GDAP2: variants seen among roughly 807,000 people sequenced by gnomAD.
The protein encoded by GDAP2 is ganglioside induced differentiation associated protein 2.
A neutral mutation model predicts 67.0 loss-of-function variants in GDAP2; 51 were observed. The observed-to-expected ratio is 0.76, with a 90% CI of 0.61 to 0.96. The LOEUF (loss-of-function observed/expected upper bound fraction) is 0.96, where lower values mean the gene tolerates loss of function less well. Among genes scored for constraint, GDAP2 ranks in the 40% least tolerant of loss-of-function variants. The probability of loss-of-function intolerance (pLI) is 0.00; values close to 1 mark genes in which losing one functional copy is unlikely to be tolerated. For missense variants in GDAP2, 547 were observed against 588.3 expected (o/e 0.93, Z 0.73); for synonymous variants, 203 against 207.3 (o/e 0.98, Z 0.18).
intron 9 of GDAP2, among the ~76,000 whole-genome samples, chr1:117,887,472 C>T (rs1436509758): frequency 6.6e-6 from 1 of 152,088 alleles, no homozygotes; most frequent in East Asian, 1.9e-4. Flanking sequence ...AAAAGGGACA[C>T]TAGCATGAAA....
In GDAP2 at chr1:117,870,600, T is replaced by C. The variant is rs1425942433; in HGVS notation, c.1463A>G (p.Tyr488Cys). ...EYDARENGPY[Y>C]TSYPPSPDL ...ATCTGGTGATGGGGGATATGATGTA[T>C]AGTAAGGCCCGTTTTCCTGTGGAAA... is the stretch of plus-strand genomic sequence containing the variant. The change falls in exon 14 of 14, where the codon TAT becomes TGT. Residue 488 changes from tyrosine (Y) to cysteine (C), a missense_variant. Physicochemically the swap from Tyr to Cys is radical, Grantham distance 194 (BLOSUM62 -2). Transcript: ENST00000369443. 4 of 1,603,324 alleles carry C rather than the reference T, an allele frequency of 2.5e-6. No individual in the cohort carries two copies. Among genetic ancestry groups the C allele is most frequent in the Non-Finnish European group, 1.7e-6 (2 of 1,170,398 alleles).
intron 8 of GDAP2, 180 bp downstream of exon 8, chr1:117,896,653 T>C (rs1649273620): frequency 2.3e-6 from 1 of 442,908 alleles, no homozygotes; most frequent in African/African-American, 2.0e-5. Flanking sequence ...TGGCCACTGA[T>C]AACTTTCTTA....
chr1:117,911,789 G>C (rs1649865286), intron 5 of GDAP2, among the ~76,000 whole-genome samples: 1 of 150,072 alleles, frequency 6.7e-6, no homozygotes, highest in East Asian at 2.0e-4. Flanking sequence ...TTGAGATGAG[G>C]TCTCACTATA....
At chr1:117,892,214 T>A (rs1252686215) in intron 8 of GDAP2, among the ~76,000 whole-genome samples, 1 of 152,092 alleles carries the variant, frequency 6.6e-6, no homozygotes, top group African/African-American at 2.4e-5. Context: ...GATTATTTAG[T>A]CATTATTTTA....
At chr1:117,902,088 C>T (rs1264759669) in intron 6 of GDAP2, among the ~76,000 whole-genome samples, 1 of 152,176 alleles carries the variant, frequency 6.6e-6, no homozygotes, top group Non-Finnish European at 1.5e-5. Flanking sequence ...CTGTTCCTCC[C>T]GTGGCCCTGC....
intron 8 of GDAP2, among the ~76,000 whole-genome samples, chr1:117,895,945 T>C (rs1192396999): frequency 6.6e-6 from 1 of 152,200 alleles, no homozygotes; most frequent in Non-Finnish European, 1.5e-5. Context: ...AGGTGGCATC[T>C]GTTCCAGACT....
intron 6 of GDAP2, among the ~76,000 whole-genome samples, chr1:117,902,477 G>T (rs1313256578): frequency 6.6e-6 from 1 of 152,118 alleles, no homozygotes; most frequent in Non-Finnish European, 1.5e-5. Context: ...GCTAATTTTT[G>T]TATCTGCTAT....
chr1:117,876,015 T>C (rs1372428359), intron 13 of GDAP2, among the ~76,000 whole-genome samples: 1 of 152,036 alleles, frequency 6.6e-6, no homozygotes, highest in East Asian at 1.9e-4. Flanking sequence ...GATGGAATGA[T>C]TGTATTTTGC....
chr1:117,898,002 A>C (rs1387109005), intron 7 of GDAP2, among the ~76,000 whole-genome samples: 1 of 152,244 alleles, frequency 6.6e-6, no homozygotes, highest in African/African-American at 2.4e-5. Context: ...AAAATATTTA[A>C]GAATGCTAAG....
intron 7 of GDAP2, 134 bp from the exon 8 acceptor site, chr1:117,897,123 G>A (rs1341689082): frequency 3.5e-6 from 2 of 564,422 alleles, no homozygotes; most frequent in African/African-American, 1.9e-5. Context: ...GAATGAAACT[G>A]TAATCAGATT....
intron 3 of GDAP2, among the ~76,000 whole-genome samples, chr1:117,916,026 G>C (rs1650034536): frequency 6.6e-6 from 1 of 151,808 alleles, no homozygotes; most frequent in Admixed American, 6.6e-5. Context: ...TTCTATTAGG[G>C]GTACCCCAAC....
intron 12 of GDAP2, among the ~76,000 whole-genome samples, chr1:117,880,600 A>G (rs1184021813): frequency 6.6e-6 from 1 of 152,200 alleles, no homozygotes. Flanking sequence ...GCGGGAGAGG[A>G]GAAAGACACT....
chr1:117,902,257 A>G (rs183213267), intron 6 of GDAP2, among the ~76,000 whole-genome samples: 2 of 152,276 alleles, frequency 1.3e-5, no homozygotes, highest in East Asian at 3.9e-4. Context: ...GTCTGTTCAA[A>G]ACTTTTGTTC....
intron 11 of GDAP2, among the ~76,000 whole-genome samples, chr1:117,882,686 G>C (rs190186989): frequency 3.3e-5 from 5 of 152,246 alleles, no homozygotes; most frequent in Admixed American, 3.3e-4. Flanking sequence ...CCCACATTCA[G>C]AGTAAGCTAA....
Position 117,866,523 on chromosome 1 carries a change from G to T in GDAP2, c.*4046C>A, listed in dbSNP as rs958869486. ...GCCAGCACAGTTAAAACACTCTAGC[G>T]CACGTTAATTATGATGATTACAACT... On this transcript the variant is annotated 3_prime_UTR_variant, in exon 14 of 14. Transcript: ENST00000369443. The T allele has an allele frequency of 1.3e-4, 20 of 151,982 alleles. No homozygotes were observed. Among genetic ancestry groups the T allele is most frequent in the African/African-American group, 4.6e-4 (19 of 41,370 alleles). 9.4% of individuals were successfully genotyped at this position (151,982 alleles called of 1,614,324 possible). A position where few individuals can be genotyped will look rare whatever the true frequency, so the allele number is the denominator to read the frequency against.
rs1164151243 is a variant in GDAP2, at chr1:117,891,871, TAATC to T, written c.954-4101_954-4098del. The stretch of plus-strand genomic sequence containing the variant: ...CAGAATTTTTAAAAATTTAAGTCCT[TAATC>T]TATCTAAAGTTGATTTGTCCATAGT... On this transcript the variant is annotated intron_variant, in intron 8 of 13. Coordinates refer to ENST00000369443, the MANE Select transcript of GDAP2 (RefSeq NM_017686.4). Among the ~76,000 whole-genome samples, 3 of 152,306 alleles carry T rather than the reference TAATC, an allele frequency of 2.0e-5. No individual in the cohort carries two copies. The East Asian group carries it at 5.8e-4, about 29-fold the overall frequency.
intron 1 of GDAP2, among the ~76,000 whole-genome samples, chr1:117,927,254 T>G (rs528263613): frequency 6.6e-6 from 1 of 152,300 alleles, no homozygotes; most frequent in East Asian, 1.9e-4. Context: ...ATCTTTTAGT[T>G]TAAGAAGTCC....
intron 3 of GDAP2, 21 bp downstream of exon 3, chr1:117,918,576 T>C (rs1464025877): frequency 1.9e-6 from 3 of 1,565,890 alleles, no homozygotes; most frequent in East Asian, 2.2e-5. Context: ...AGCAATAATA[T>C]ATGAAAGAAA....
intron 1 of GDAP2, among the ~76,000 whole-genome samples, chr1:117,922,130 T>C (rs1457139617): frequency 2.0e-5 from 3 of 152,202 alleles, no homozygotes; most frequent in Non-Finnish European, 4.4e-5. Context: ...GCAAATTGGT[T>C]ATATGAGGCT....
Sources: gnomAD v4.1 joint callset for allele counts (sites outside exome capture counted in the v4.1 genomes callset) on GRCh38, gnomAD v4.1.1 for gene constraint, MANE v1.5 for transcripts, NCBI Gene and HGNC (gene_info 2026-07-23, HGNC 2026-07-21) for gene names.